The following SDK1 variants were observed in gnomAD, a reference collection of about 807,000 sequenced individuals.
SDK1 encodes protein sidekick-1.
Under a neutral mutation model 245.5 loss-of-function variants are expected in SDK1, and 157 were observed. The ratio of observed to expected loss-of-function variants is 0.64; its 90% CI spans 0.56 to 0.73. SDK1 has a LOEUF of 0.73. SDK1 is among the 30% of genes least tolerant of loss of function. The probability of loss-of-function intolerance (pLI) is 0.00; values close to 1 mark genes in which losing one functional copy is unlikely to be tolerated. For synonymous variants in SDK1, 1,647 were observed against 1,278.5 expected (o/e 1.29, Z -6.15); for missense variants, 3,583 against 3,002.3 (o/e 1.19, Z -4.52).
At chr7:3,940,380 G>GA (rs1297326597) in intron 5 of SDK1, among the ~76,000 whole-genome samples, 6 of 152,254 alleles carry the variant, frequency 3.9e-5, no homozygotes, top group Non-Finnish European at 8.8e-5. Context: ...AGGCAAACGC[G>GA]AAAACGCATC....
At chr7:4,245,827 C>T (rs1239438511) in intron 44 of SDK1, 22 bp downstream of exon 44, 22 of 1,613,022 alleles carry the variant, frequency 1.4e-5, no homozygotes, top group South Asian at 4.4e-5. Flanking sequence ...TGCCTACTTC[C>T]GGGCAGTGAC....
intron 4 of SDK1, among the ~76,000 whole-genome samples, chr7:3,772,924 C>T (rs1407343308): frequency 1.3e-5 from 2 of 152,084 alleles, no homozygotes; most frequent in African/African-American, 4.8e-5. Context: ...TTGAGGATCC[C>T]ATGTATCGTG....
At chr7:3,876,803 C>G (rs905225831) in intron 5 of SDK1, among the ~76,000 whole-genome samples, 42 of 152,254 alleles carry the variant, frequency 2.8e-4, no homozygotes, top group African/African-American at 9.6e-4. Flanking sequence ...GTAGGAGATA[C>G]TAGTTGGGCT....
chr7:4,220,292 G>T (rs1470241062), intron 39 of SDK1, 22 bp downstream of exon 39: 2 of 1,604,246 alleles, frequency 1.2e-6, no homozygotes, highest in Non-Finnish European at 1.7e-6. Context: ...TCCAGGGGCA[G>T]ACAATGTCAA....
chr7:4,161,067 A>G (rs1781087894), intron 31 of SDK1, among the ~76,000 whole-genome samples: 1 of 152,226 alleles, frequency 6.6e-6, no homozygotes, highest in Non-Finnish European at 1.5e-5. Context: ...GCTGGGAGGC[A>G]TAAGAGTTCA....
At chr7:4,046,238 A>G (rs559889638) in intron 17 of SDK1, among the ~76,000 whole-genome samples, 1 of 152,252 alleles carries the variant, frequency 6.6e-6, no homozygotes, top group South Asian at 2.1e-4. Context: ...CATGAGCCAC[A>G]GCACCCGGCC....
chr7:3,323,573 T>A (rs1779870541), intron 1 of SDK1, among the ~76,000 whole-genome samples: 1 of 152,204 alleles, frequency 6.6e-6, no homozygotes, highest in Admixed American at 6.5e-5. Context: ...CACACACTGC[T>A]TCTAGAGGTC....
intron 1 of SDK1, among the ~76,000 whole-genome samples, chr7:3,507,767 T>C (rs186674198): frequency 2.0e-5 from 3 of 152,296 alleles, no homozygotes; most frequent in Admixed American, 2.0e-4. Context: ...CTCCCTCCAA[T>C]TAGCATTGGA....
intron 4 of SDK1, among the ~76,000 whole-genome samples, chr7:3,705,735 G>A (rs1044439881): frequency 4.0e-5 from 6 of 151,838 alleles, no homozygotes; most frequent in Non-Finnish European, 7.4e-5. Flanking sequence ...TCCAATTTGG[G>A]TGCCCTTTAA....
At chr7:3,423,888 T>G (rs1779601064) in intron 1 of SDK1, among the ~76,000 whole-genome samples, 1 of 152,138 alleles carries the variant, frequency 6.6e-6, no homozygotes, top group South Asian at 2.1e-4. Context: ...TTCTGAACAT[T>G]AAACAAATGG....
chr7:3,930,115 C>T (rs914719496), intron 5 of SDK1, among the ~76,000 whole-genome samples: 7 of 152,126 alleles, frequency 4.6e-5, no homozygotes, highest in African/African-American at 1.7e-4. Context: ...CCAGGCAGCT[C>T]GTTAACATTT....
rs111464502 is a variant in SDK1, at chr7:3,972,733, G to A, written c.1817+1165G>A. ...GGGTGCACAGTCAGCAGCGGGACGC[G>A]GAGACTCGGCTGTTCTCTCGCGCTT... On this transcript the variant is annotated intron_variant, in intron 12 of 44. Transcript: ENST00000404826. Among the ~76,000 whole-genome samples, 328 of 152,322 alleles carry A rather than the reference G, an allele frequency of 2.2e-3. 1 individual carries two copies. Among genetic ancestry groups the A allele is most frequent in the African/African-American group, 7.5e-3 (310 of 41,576 alleles).
intron 1 of SDK1, among the ~76,000 whole-genome samples, chr7:3,541,890 G>A (rs1034282716): frequency 2.6e-5 from 4 of 152,074 alleles, no homozygotes; most frequent in African/African-American, 9.7e-5. Flanking sequence ...TTTAAACAGA[G>A]GAACAAAAAA....
chr7:3,768,461 T>A (rs539915401), intron 4 of SDK1, among the ~76,000 whole-genome samples: 2 of 152,334 alleles, frequency 1.3e-5, no homozygotes, highest in African/African-American at 4.8e-5. Flanking sequence ...TTTCATTAAA[T>A]AGACAAGTCT....
chr7:3,792,000 T>C (rs1781108511), intron 4 of SDK1, among the ~76,000 whole-genome samples: 1 of 152,034 alleles, frequency 6.6e-6, no homozygotes, highest in Admixed American at 6.5e-5. Context: ...TAGTGGTTCA[T>C]GCCTGTAGTC....
At chr7:3,434,495 C>G (rs1053573790) in intron 1 of SDK1, among the ~76,000 whole-genome samples, 2 of 152,208 alleles carry the variant, frequency 1.3e-5, no homozygotes, top group Non-Finnish European at 2.9e-5. Flanking sequence ...CTACAGCTAA[C>G]ATTTATTAAG....
At chr7:3,943,633 C>T (rs184639190) in intron 5 of SDK1, among the ~76,000 whole-genome samples, 2 of 151,494 alleles carry the variant, frequency 1.3e-5, no homozygotes, top group Non-Finnish European at 2.9e-5. Context: ...GCGGGGCTGC[C>T]GTGGAAGGGG....
intron 4 of SDK1, among the ~76,000 whole-genome samples, chr7:3,677,933 C>A (rs1342782896): frequency 6.6e-6 from 1 of 152,184 alleles, no homozygotes; most frequent in Non-Finnish European, 1.5e-5. Context: ...AGAACCCCTA[C>A]AACTCAACAA....
chr7:3,732,633 C>T (rs767087578), intron 4 of SDK1, among the ~76,000 whole-genome samples: 6 of 152,218 alleles, frequency 3.9e-5, no homozygotes, highest in Admixed American at 1.3e-4. Flanking sequence ...GAGCAGCAAA[C>T]GCTAATTAAT....
Sources: gnomAD v4.1 joint callset for allele counts (sites outside exome capture counted in the v4.1 genomes callset) on GRCh38, gnomAD v4.1.1 for gene constraint, MANE v1.5 for transcripts, NCBI Gene and HGNC (gene_info 2026-07-23, HGNC 2026-07-21) for gene names.